THRB: variants seen among roughly 807,000 people sequenced by gnomAD.
THRB encodes the protein thyroid hormone receptor beta, also known as nuclear receptor subfamily 1 group A member 2.
A neutral mutation model predicts 47.8 loss-of-function variants in THRB; 12 were observed. That is an observed-to-expected ratio of 0.25 (90% CI 0.16 to 0.41). The LOEUF (loss-of-function observed/expected upper bound fraction) is 0.41, where lower values mean the gene tolerates loss of function less well. THRB is among the 10% of genes least tolerant of loss of function. The probability of loss-of-function intolerance (pLI) is 1.00; values close to 1 mark genes in which losing one functional copy is unlikely to be tolerated. For synonymous variants in THRB, 218 were observed against 212.2 expected, an observed-to-expected ratio of 1.03 and a Z score of -0.24; for missense variants, 348 against 589.2, an observed-to-expected ratio of 0.59 and a Z score of 4.24.
chr3:24,190,375 T>G, intron 4 of THRB, 41 bp from the exon 5 acceptor site: 1 of 1,613,742 alleles, frequency 6.2e-7, no homozygotes, highest in Non-Finnish European at 8.5e-7. Flanking sequence ...CTGTTGGCAT[T>G]GTCAAGATTT....
intron 2 of THRB, among the ~76,000 whole-genome samples, chr3:24,320,766 T>A (rs1364249119): frequency 4.6e-5 from 7 of 152,138 alleles, no homozygotes; most frequent in African/African-American, 1.7e-4. Flanking sequence ...CCTCAAGAAG[T>A]GACTCATTGA....
At chr3:24,215,825 T>C (rs1238115155) in intron 4 of THRB, among the ~76,000 whole-genome samples, 2 of 152,170 alleles carry the variant, frequency 1.3e-5, no homozygotes, top group African/African-American at 4.8e-5. Context: ...TTTTGTTTCA[T>C]TGTCTTTCTC....
intron 3 of THRB, among the ~76,000 whole-genome samples, chr3:24,243,074 A>G (rs987467552): frequency 0.011 from 853 of 74,446 alleles, 7 homozygotes; most frequent in Admixed American, 0.014. Flanking sequence ...CTTTGAAAAA[A>G]AAAAAAAAAA....
chr3:24,335,826 A>G (rs1486242051), intron 2 of THRB, among the ~76,000 whole-genome samples: 1 of 152,166 alleles, frequency 6.6e-6, no homozygotes, highest in African/African-American at 2.4e-5. Flanking sequence ...TTATCTGTAA[A>G]TTGAGGAGAA....
chr3:24,475,187 T>C (rs937335862), intron 1 of THRB, among the ~76,000 whole-genome samples: 1 of 152,066 alleles, frequency 6.6e-6, no homozygotes, highest in African/African-American at 2.4e-5. Flanking sequence ...TTTTTTCAAG[T>C]GAGCAAAAAA....
intron 4 of THRB, among the ~76,000 whole-genome samples, chr3:24,208,449 T>C (rs1366615282): frequency 6.6e-6 from 1 of 152,142 alleles, no homozygotes; most frequent in African/African-American, 2.4e-5. Flanking sequence ...CTTCAAACTA[T>C]ACTACAAGGC....
At chr3:24,306,100 T>C (rs750661391) in intron 2 of THRB, among the ~76,000 whole-genome samples, 5 of 152,228 alleles carry the variant, frequency 3.3e-5, no homozygotes, top group African/African-American at 4.8e-5. Context: ...AACAAATCTT[T>C]ACCCAGGCTA....
intron 1 of THRB, among the ~76,000 whole-genome samples, chr3:24,472,730 A>C (rs1439195521): frequency 1.3e-5 from 2 of 152,204 alleles, no homozygotes; most frequent in Admixed American, 6.5e-5. Context: ...ACAGTTGAGT[A>C]ATAATGGAAG....
intron 4 of THRB, among the ~76,000 whole-genome samples, chr3:24,217,021 T>C (rs1041732081): frequency 2.6e-5 from 4 of 151,238 alleles, no homozygotes; most frequent in Non-Finnish European, 4.4e-5. Flanking sequence ...CCATAGTCCT[T>C]GTACCCCAGT....
intron 1 of THRB, among the ~76,000 whole-genome samples, chr3:24,443,143 G>A (rs1031295865): frequency 6.6e-6 from 1 of 152,114 alleles, no homozygotes. Flanking sequence ...GATCACACCA[G>A]CACTCCAGCC....
intron 4 of THRB, among the ~76,000 whole-genome samples, chr3:24,220,813 AAAG>A (rs1284989165): frequency 6.6e-6 from 1 of 151,548 alleles, no homozygotes; most frequent in African/African-American, 2.4e-5. Context: ...AAAAAAAAAA[AAAG>A]AAAGAAACAT....
intron 2 of THRB, among the ~76,000 whole-genome samples, chr3:24,319,187 A>G (rs538739024): frequency 2.0e-5 from 3 of 152,190 alleles, no homozygotes; most frequent in Non-Finnish European, 4.4e-5. Flanking sequence ...CACTTTGCAA[A>G]GCTGTTTGAA....
chr3:24,446,007 T>C (rs957163379), intron 1 of THRB, among the ~76,000 whole-genome samples: 1 of 152,204 alleles, frequency 6.6e-6, no homozygotes, highest in Non-Finnish European at 1.5e-5. Context: ...GATGTAACCA[T>C]ATATGCAGAG....
At chr3:24,337,784 T>A (rs1576949975) in intron 1 of THRB, among the ~76,000 whole-genome samples, 1 of 152,128 alleles carries the variant, frequency 6.6e-6, no homozygotes, top group African/African-American at 2.4e-5. Flanking sequence ...CTGGAATAGG[T>A]CTCAACATAT....
rs2070603421 is a variant in THRB, at chr3:24,433,050, C to T, written c.-261+61602G>A. ...ATCATTTATTTTTTATTTCTACTAA[C>T]TCAGTTCCACAGATAAAGAATGAAT... is the stretch of plus-strand genomic sequence containing the variant. On this transcript the variant is annotated intron_variant, in intron 1 of 10. Coordinates refer to ENST00000646209, the MANE Select transcript of THRB (RefSeq NM_001354712.2). Among the ~76,000 whole-genome samples, 7 of 152,116 alleles carry T rather than the reference C, an allele frequency of 4.6e-5. No individual in the cohort carries two copies. The South Asian group carries it at 1.5e-3, about 32-fold the overall frequency.
In THRB at chr3:24,220,812, A is replaced by G. The variant is rs1283082961; in HGVS notation, c.22+8126T>C. On this transcript the variant is annotated intron_variant, in intron 4 of 10. Coordinates refer to ENST00000646209, the MANE Select transcript of THRB (RefSeq NM_001354712.2). ...CAAGGTTAAACAAAAGAAAAAAAAA[A>G]AAAGAAAGAAACATAATCACCATTT... is the stretch of plus-strand genomic sequence containing the variant. 3.3e-5 allele frequency among the ~76,000 whole-genome samples: 5 copies of G among 151,878 alleles called. No individual in the cohort carries two copies. In the East Asian group the frequency reaches 7.7e-4, roughly 23 times the overall value.
chr3:24,289,170 C>T (rs1278974711), intron 3 of THRB, among the ~76,000 whole-genome samples: 2 of 152,082 alleles, frequency 1.3e-5, no homozygotes, highest in African/African-American at 2.4e-5. Flanking sequence ...ATTACTGCTG[C>T]CTATTAGCTG....
At chr3:24,265,508 A>C (rs2052558088) in intron 3 of THRB, among the ~76,000 whole-genome samples, 1 of 152,230 alleles carries the variant, frequency 6.6e-6, no homozygotes, top group Non-Finnish European at 1.5e-5. Context: ...TCTAAGTCTA[A>C]TCAGGTGCAG....
intron 1 of THRB, among the ~76,000 whole-genome samples, chr3:24,402,565 A>G (rs1034632678): frequency 6.6e-6 from 1 of 151,526 alleles, no homozygotes; most frequent in Non-Finnish European, 1.5e-5. Flanking sequence ...AAAAACACAA[A>G]GAAGAAAATT....
Sources: gnomAD v4.1 joint callset for allele counts (sites outside exome capture counted in the v4.1 genomes callset) on GRCh38, gnomAD v4.1.1 for gene constraint, MANE v1.5 for transcripts, NCBI Gene and HGNC (gene_info 2026-07-23, HGNC 2026-07-21) for gene names.